TMEM132D: variants seen among roughly 807,000 people sequenced by gnomAD.
The protein encoded by TMEM132D is transmembrane protein 132D.
Under a neutral mutation model 62.3 loss-of-function variants are expected in TMEM132D, and 21 were observed. That is an observed-to-expected ratio of 0.34 (90% CI 0.24 to 0.49). The LOEUF (loss-of-function observed/expected upper bound fraction) is 0.49. TMEM132D is among the 20% of genes least tolerant of loss of function. The probability of loss-of-function intolerance (pLI) is 0.99; values close to 1 mark genes in which losing one functional copy is unlikely to be tolerated. For synonymous variants in TMEM132D, 621 were observed against 575.6 expected, an observed-to-expected ratio of 1.08 and a Z score of -1.13; for missense variants, 1,346 against 1,402.8, an observed-to-expected ratio of 0.96 and a Z score of 0.65.
intron 3 of TMEM132D, among the ~76,000 whole-genome samples, chr12:129,362,185 A>G (rs545723718): frequency 2.6e-5 from 4 of 152,196 alleles, no homozygotes; most frequent in Non-Finnish European, 5.9e-5. Flanking sequence ...TTCCCAATCA[A>G]ATCTTGTTGA....
intron 1 of TMEM132D, among the ~76,000 whole-genome samples, chr12:129,838,319 G>A (rs1222625869): frequency 3.9e-5 from 6 of 152,312 alleles, no homozygotes; most frequent in Admixed American, 2.0e-4. Context: ...ACTCTCTTCC[G>A]AAAAATCTGA....
chr12:129,450,894 T>C (rs1431162526), intron 3 of TMEM132D, among the ~76,000 whole-genome samples: 1 of 80,308 alleles, frequency 1.2e-5, no homozygotes, highest in African/African-American at 4.7e-5. Flanking sequence ...TAGCTGGGAT[T>C]ACAGGTGCCT....
At chr12:129,113,165 T>C (rs1048185123) in intron 5 of TMEM132D, 1 of 152,202 alleles carries the variant, frequency 6.6e-6, no homozygotes, top group African/African-American at 2.4e-5. Context: ...AGAACCCTCA[T>C]CTGGCCACCT....
chr12:129,517,074 A>G (rs1388940318), intron 3 of TMEM132D, among the ~76,000 whole-genome samples: 1 of 152,096 alleles, frequency 6.6e-6, no homozygotes, highest in Non-Finnish European at 1.5e-5. Flanking sequence ...TCACATCTTC[A>G]AAGACTCTGT....
At chr12:129,379,399 G>A (rs1235921896) in intron 3 of TMEM132D, among the ~76,000 whole-genome samples, 2 of 152,142 alleles carry the variant, frequency 1.3e-5, no homozygotes, top group Non-Finnish European at 2.9e-5. Context: ...TCTGTCCGTA[G>A]CAAGACATCT....
intron 2 of TMEM132D, among the ~76,000 whole-genome samples, chr12:129,571,144 C>G (rs1877501435): frequency 6.6e-6 from 1 of 152,216 alleles, no homozygotes; most frequent in African/African-American, 2.4e-5. Context: ...GGAAGTTGTC[C>G]TCTTTCCCGT....
intron 5 of TMEM132D, among the ~76,000 whole-genome samples, chr12:129,124,905 C>T (rs565967027): frequency 2.0e-5 from 3 of 152,298 alleles, no homozygotes; most frequent in African/African-American, 7.2e-5. Context: ...ACTCAGTTTC[C>T]ACTCTAAGAG....
intron 2 of TMEM132D, among the ~76,000 whole-genome samples, chr12:129,642,577 C>A (rs943909653): frequency 8.0e-4 from 122 of 152,342 alleles, no homozygotes; most frequent in African/African-American, 2.7e-3. Flanking sequence ...AGATTGATTT[C>A]TCTCTATTTG....
At chr12:129,118,886 G>A (rs141572344) in intron 5 of TMEM132D, among the ~76,000 whole-genome samples, 6 of 152,248 alleles carry the variant, frequency 3.9e-5, no homozygotes, top group Admixed American at 2.0e-4. Flanking sequence ...TATCTATTTC[G>A]GCTGCTCAGC....
intron 3 of TMEM132D, among the ~76,000 whole-genome samples, chr12:129,407,063 G>C (rs779268915): frequency 2.0e-5 from 3 of 152,280 alleles, no homozygotes; most frequent in Middle Eastern, 3.4e-3. Flanking sequence ...TTTAAACCAG[G>C]TTCCAACATT....
intron 2 of TMEM132D, among the ~76,000 whole-genome samples, chr12:129,560,183 ATCT>A (rs1284309015): frequency 1.3e-5 from 2 of 152,092 alleles, no homozygotes; most frequent in African/African-American, 4.8e-5. Context: ...CTTAATGTAC[ATCT>A]TCTTTGAAAA....
chr12:129,171,083 T>C (rs1043884589), intron 5 of TMEM132D, among the ~76,000 whole-genome samples: 1 of 152,206 alleles, frequency 6.6e-6, no homozygotes, highest in African/African-American at 2.4e-5. Context: ...TCTTTCAAAA[T>C]TGGAATCATT....
intron 1 of TMEM132D, among the ~76,000 whole-genome samples, chr12:129,883,605 G>A (rs745799198): frequency 6.6e-6 from 1 of 152,098 alleles, no homozygotes; most frequent in Non-Finnish European, 1.5e-5. Context: ...TTCTGAATAA[G>A]AATAAAGTTA....
intron 3 of TMEM132D, among the ~76,000 whole-genome samples, chr12:129,448,345 G>A (rs985571308): frequency 6.6e-6 from 1 of 152,078 alleles, no homozygotes; most frequent in Non-Finnish European, 1.5e-5. Context: ...GTACCCACTA[G>A]TTATTTTTCC....
chr12:129,786,079 T>C (rs61943434), intron 1 of TMEM132D, among the ~76,000 whole-genome samples: 9,071 of 152,138 alleles, frequency 0.06, 321 homozygotes, highest in East Asian at 0.1. Context: ...CCAGGCCCAG[T>C]TTGTGCCCCT....
chr12:129,273,872 A>G (rs950623784), intron 4 of TMEM132D, among the ~76,000 whole-genome samples: 2 of 151,512 alleles, frequency 1.3e-5, no homozygotes, highest in Admixed American at 6.6e-5. Context: ...ATATACCCAT[A>G]TAACACACCT....
At position 129,793,402 on chromosome 12, in the gene TMEM132D, C is replaced by T. The variant is rs187118908; in HGVS notation, c.80-92704G>A. ...ACTATTATTTTTTGAGACAGGGTCT[C>T]GCTCTGTCACCCAGGCTGGAGTGCA... On this transcript the variant is annotated intron_variant, in intron 1 of 8. Transcript: ENST00000422113. 2.6e-5 allele frequency among the ~76,000 whole-genome samples: 4 copies of T among 152,272 alleles called. No homozygotes were observed. In the East Asian group the frequency reaches 5.8e-4, roughly 22 times the overall value.
intron 2 of TMEM132D, among the ~76,000 whole-genome samples, chr12:129,647,278 T>C (rs574045152): frequency 1.7e-4 from 25 of 149,458 alleles, no homozygotes; most frequent in African/African-American, 5.6e-4. Context: ...TCCACTTGTG[T>C]ACATGCAGCT....
chr12:129,669,263 G>T (rs1414023597), intron 2 of TMEM132D, among the ~76,000 whole-genome samples: 13 of 152,184 alleles, frequency 8.5e-5, no homozygotes, highest in African/African-American at 2.7e-4. Context: ...ATGGGGACTG[G>T]AGAGAGAAAA....
Sources: allele counts gnomAD v4.1 joint callset (sites outside exome capture counted in the v4.1 genomes callset), GRCh38; gene constraint gnomAD v4.1.1; transcripts MANE v1.5; gene names NCBI Gene and HGNC (gene_info 2026-07-23, HGNC 2026-07-21).